SAFB2: variants seen among roughly 807,000 people sequenced by gnomAD.
The protein encoded by SAFB2 is scaffold attachment factor B2.
A neutral mutation model predicts 100.6 loss-of-function variants in SAFB2; 32 were observed. That is an observed-to-expected ratio of 0.32 (90% CI 0.24 to 0.43). SAFB2 has a LOEUF of 0.43. Among genes scored for constraint, SAFB2 ranks in the 20% least tolerant of loss-of-function variants. SAFB2 has a pLI of 1.00. For missense variants in SAFB2, 1,185 were observed against 1,163.4 expected, an observed-to-expected ratio of 1.02 and a Z score of -0.27; for synonymous variants, 500 against 439.4, an observed-to-expected ratio of 1.14 and a Z score of -1.72.
At chr19:5,596,257 C>G (rs755755168) in intron 13 of SAFB2, among the ~76,000 whole-genome samples, 7 of 152,238 alleles carry the variant, frequency 4.6e-5, no homozygotes, top group Admixed American at 1.3e-4. Context: ...AGCGGGACTC[C>G]GTCTCAAATA....
Position 5,592,728 on chromosome 19 carries a change from A to C in SAFB2, c.2348+19T>G, listed in dbSNP as rs2052437768. ...TGCCCACAATGACTGTAGCTAAAGG[A>C]GGGGACAAGACCACTGACCTGTCGA... On this transcript the variant is annotated intron_variant, in intron 16 of 20. Coordinates refer to ENST00000252542, the MANE Select transcript of SAFB2 (RefSeq NM_014649.3). 6.2e-7 allele frequency: 1 copy of C among 1,613,390 alleles called. No homozygotes were observed. Among genetic ancestry groups the C allele is most frequent in the African/African-American group, 1.3e-5 (1 of 74,900 alleles).
chr19:5,603,616 C>CTACGCCAAGG (rs1438449136), intron 11 of SAFB2, among the ~76,000 whole-genome samples: 1 of 152,222 alleles, frequency 6.6e-6, no homozygotes, highest in African/African-American at 2.4e-5. Flanking sequence ...TTCCCAACTA[C>CTACGCCAAGG]TACGCCAAGG....
chr19:5,600,975 GGTCCAGGCAGGAAA>G (rs1375155467), intron 11 of SAFB2, among the ~76,000 whole-genome samples: 2 of 152,056 alleles, frequency 1.3e-5, no homozygotes, highest in African/African-American at 4.8e-5. Context: ...GACATGCCAG[GGTCCAGGCAGGAAA>G]GTCAGGCCCC....
rs779353687 is a variant in SAFB2, at chr19:5,622,657, G to A, written c.59C>T (p.Pro20Leu). Residue 20 changes from proline (P) to leucine (L), a missense_variant, in exon 1 of 21, where the codon CCG becomes CTG. Coordinates refer to ENST00000252542, the MANE Select transcript of SAFB2 (RefSeq NM_014649.3). Reference protein sequence around the residue: ...DSGPGTASLGPGVAETGTRRL... With the variant: ...DSGPGTASLGLGVAETGTRRL... The stretch of plus-strand genomic sequence containing the variant: ...CCTCGTCCCAGTCTCCGCAACGCCC[G>A]GGCCGAGAGAAGCCGTGCCAGGGCC... 2 of 1,609,358 alleles carry A rather than the reference G, an allele frequency of 1.2e-6. No homozygotes were observed. The highest frequency in any genetic ancestry group is 2.2e-5 in the South Asian group (2 of 90,786).
At chr19:5,591,865 C>T (rs2052414463) in intron 16 of SAFB2, 72 bp from the exon 17 acceptor site, 16 of 1,434,550 alleles carry the variant, frequency 1.1e-5, no homozygotes, top group Middle Eastern at 1.8e-4. Context: ...AGGCAAGTTT[C>T]GCGACTGGGA....
chr19:5,594,826 A>C (rs2052501754), intron 14 of SAFB2, among the ~76,000 whole-genome samples: 1 of 152,130 alleles, frequency 6.6e-6, no homozygotes. Context: ...AACATAGCCA[A>C]ACCCCATATA....
chr19:5,612,117 A>G (rs1366847997), intron 6 of SAFB2: 1 of 315,114 alleles, frequency 3.2e-6, no homozygotes, highest in South Asian at 3.4e-5. Context: ...TCACGGAGAA[A>G]CTCTGTTTCC....
At chr19:5,590,237 A>C in intron 18 of SAFB2, 41 bp downstream of exon 18, 1 of 1,477,842 alleles carries the variant, frequency 6.8e-7, no homozygotes, top group Non-Finnish European at 9.1e-7. Flanking sequence ...TTCCCAGGTT[A>C]GGACAGATGC....
At chr19:5,616,520 C>T (rs113969630) in intron 2 of SAFB2, 34 bp from the exon 3 acceptor site, 2 of 1,558,560 alleles carry the variant, frequency 1.3e-6, no homozygotes, top group East Asian at 2.2e-5. Context: ...TCAGATAACA[C>T]TCAAGTTCTA....
chr19:5,613,454 T>C lies in SAFB2; in HGVS notation c.606+11A>G, dbSNP rs199759967. On this transcript the variant is annotated intron_variant, in intron 5 of 20. Coordinates refer to ENST00000252542, the MANE Select transcript of SAFB2 (RefSeq NM_014649.3). ...ACATTTCCAGCGATGCAGAACCAGA[T>C]GGTAACTTACCGGAGTTACTTTGAA... is the stretch of plus-strand genomic sequence containing the variant. The C allele has an allele frequency of 6.5e-5, 105 of 1,608,390 alleles. No homozygotes were observed. The highest frequency in any genetic ancestry group is 8.4e-5 in the Non-Finnish European group (99 of 1,175,108).
Position 5,616,930 on chromosome 19 carries a change from A to G in SAFB2, c.275-444T>C, listed in dbSNP as rs190051189. On this transcript the variant is annotated intron_variant, in intron 2 of 20. Transcript: ENST00000252542. ...CTCCCAAAGTGCTGGGATTACAGGC[A>G]TGAGCCATGGTGCCCGGCCTCAATT... is the stretch of plus-strand genomic sequence containing the variant. 9.1e-4 allele frequency among the ~76,000 whole-genome samples: 139 copies of G among 152,254 alleles called. 1 individual carries two copies. The highest frequency in any genetic ancestry group is 3.7e-3 in the South Asian group (18 of 4,828).
At chr19:5,605,340 A>G (rs2052752442) in intron 9 of SAFB2, among the ~76,000 whole-genome samples, 1 of 152,024 alleles carries the variant, frequency 6.6e-6, no homozygotes, top group African/African-American at 2.4e-5. Context: ...CCTGACCTCA[A>G]GTGATCTACC....
Position 5,600,219 on chromosome 19 carries a change from T to G in SAFB2, c.1601A>C (p.Glu534Ala). 1 of 1,613,454 alleles carries G rather than the reference T, an allele frequency of 6.2e-7. No homozygotes were observed. The highest frequency in any genetic ancestry group is 8.5e-7 in the Non-Finnish European group (1 of 1,179,536). Residue 534 changes from glutamate to alanine, a missense_variant, in exon 12 of 21, where the codon GAA becomes GCA. Coordinates refer to ENST00000252542, the MANE Select transcript of SAFB2 (RefSeq NM_014649.3). ...CTTCTTAATGTCTTCAGGCTTTTTT[T>G]CCTCCTTCTTCTCAATCTTCTCTTC... ...KKEEKIEKKE[E>A]KKPEDIKKEE... is the part of the protein sequence containing the mutation.
At chr19:5,615,820 T>C (rs2053015558) in intron 4 of SAFB2, among the ~76,000 whole-genome samples, 1 of 151,924 alleles carries the variant, frequency 6.6e-6, no homozygotes, top group East Asian at 1.9e-4. Context: ...AGCCCAAGAG[T>C]TCAAGACCGG....
intron 13 of SAFB2, among the ~76,000 whole-genome samples, chr19:5,596,103 A>G (rs1010747360): frequency 2.6e-5 from 4 of 152,306 alleles, no homozygotes; most frequent in Admixed American, 2.6e-4. Context: ...TCTCAACTAA[A>G]AATACAAAAA....
At chr19:5,609,289 T>C (rs1007848789) in intron 9 of SAFB2, among the ~76,000 whole-genome samples, 4 of 150,640 alleles carry the variant, frequency 2.7e-5, no homozygotes, top group Non-Finnish European at 4.4e-5. Flanking sequence ...AAGTCAATTA[T>C]TCACTTCATT....
At chr19:5,589,389 A>G (rs1442044542) in intron 18 of SAFB2, among the ~76,000 whole-genome samples, 4 of 152,062 alleles carry the variant, frequency 2.6e-5, no homozygotes, top group African/African-American at 9.7e-5. Flanking sequence ...GCACCGAGTC[A>G]AAGTCCCTGG....
chr19:5,612,102 A>G, intron 6 of SAFB2: 1 of 315,472 alleles, frequency 3.2e-6, no homozygotes, highest in Non-Finnish European at 6.0e-6. Flanking sequence ...ATATGTTGAA[A>G]ATTTTCACGG....
chr19:5,589,875 A>G (rs775595277), intron 18 of SAFB2, among the ~76,000 whole-genome samples: 2 of 152,154 alleles, frequency 1.3e-5, no homozygotes, highest in Admixed American at 1.3e-4. Flanking sequence ...ACTGGGGGTC[A>G]GAGAAAAAAC....
Sources: allele counts gnomAD v4.1 joint callset (sites outside exome capture counted in the v4.1 genomes callset), GRCh38; gene constraint gnomAD v4.1.1; transcripts MANE v1.5; gene names NCBI Gene and HGNC (gene_info 2026-07-23, HGNC 2026-07-21).